The following SPRR2G variants were observed in gnomAD, a reference collection of about 807,000 sequenced individuals.
SPRR2G encodes small proline-rich protein 2G.
A neutral mutation model predicts 0.7 loss-of-function variants in SPRR2G; 1 was observed. That is an observed-to-expected ratio of 1.49 (90% CI 0.53 to 7.06). The LOEUF (loss-of-function observed/expected upper bound fraction) is 7.06. SPRR2G is among the 30% of genes most tolerant of loss of function. The probability of loss-of-function intolerance (pLI) is 0.14; values close to 1 mark genes in which losing one functional copy is unlikely to be tolerated. For missense variants in SPRR2G, 96 were observed against 88.5 expected, an observed-to-expected ratio of 1.09 and a Z score of -0.34; for synonymous variants, 38 against 33.9, an observed-to-expected ratio of 1.12 and a Z score of -0.42.
chr1:153,180,739 G>A, the SPRR2G span, among the ~76,000 whole-genome samples: 22 of 152,236 alleles, frequency 1.4e-4, no homozygotes, highest in Non-Finnish European at 2.4e-4. Flanking sequence ...TCAGCAGTGT[G>A]TGAAAGTTTC....
the SPRR2G span, among the ~76,000 whole-genome samples, chr1:153,172,026 C>T: frequency 6.6e-6 from 1 of 152,106 alleles, no homozygotes; most frequent in African/African-American, 2.4e-5. Flanking sequence ...CTTTTACACT[C>T]AACTTTAATC....
chr1:153,181,108 A>C, the SPRR2G span, among the ~76,000 whole-genome samples: 2 of 151,766 alleles, frequency 1.3e-5, no homozygotes. Flanking sequence ...GTTTTTGATA[A>C]TCAGAAATTT....
the SPRR2G span, among the ~76,000 whole-genome samples, chr1:153,177,950 A>G: frequency 6.6e-6 from 1 of 151,918 alleles, no homozygotes; most frequent in African/African-American, 2.4e-5. Flanking sequence ...CATTCAAAAT[A>G]GTGTGTTATC....
At chr1:153,198,757 G>C in the SPRR2G span, among the ~76,000 whole-genome samples, 1 of 152,208 alleles carries the variant, frequency 6.6e-6, no homozygotes, top group Non-Finnish European at 1.5e-5. Context: ...AGGTACCAAA[G>C]TACATCCAAT....
upstream of SPRR2G, among the ~76,000 whole-genome samples, chr1:153,155,545 T>C (rs986748591): frequency 1.3e-5 from 2 of 152,202 alleles, no homozygotes; most frequent in Non-Finnish European, 2.9e-5. Context: ...CTCTATCTTG[T>C]TTGATTTAAA....
upstream of SPRR2G, among the ~76,000 whole-genome samples, chr1:153,154,362 C>G (rs79087423): frequency 0.031 from 4,695 of 151,950 alleles, 241 homozygotes; most frequent in African/African-American, 0.11. Context: ...GTAATGCCAT[C>G]CTCATACAAT....
chr1:153,183,758 A>G, the SPRR2G span, among the ~76,000 whole-genome samples: 4 of 151,918 alleles, frequency 2.6e-5, no homozygotes, highest in Non-Finnish European at 5.9e-5. Context: ...CTTTTGTTGC[A>G]ATTGCTTTTA....
At chr1:153,159,727 G>T in the SPRR2G span, among the ~76,000 whole-genome samples, 3 of 152,192 alleles carry the variant, frequency 2.0e-5, no homozygotes, top group Admixed American at 2.0e-4. Context: ...CATGGCAGAA[G>T]GCAAAGGGGA....
the SPRR2G span, among the ~76,000 whole-genome samples, chr1:153,183,405 G>A: frequency 1.3e-5 from 2 of 151,770 alleles, no homozygotes; most frequent in Admixed American, 6.6e-5. Context: ...TTTAATCATC[G>A]CCATTCTACC....
At chr1:153,174,402 C>A in the SPRR2G span, 1 of 152,170 alleles carries the variant, frequency 6.6e-6, no homozygotes, top group Non-Finnish European at 1.5e-5. Context: ...GGGGAAATGT[C>A]CAAAAACCAC....
At chr1:153,194,460 G>A in the SPRR2G span, among the ~76,000 whole-genome samples, 1 of 152,194 alleles carries the variant, frequency 6.6e-6, no homozygotes. Context: ...GGCCTGAGAA[G>A]AGGGTGTTAG....
At chr1:153,176,830 G>A in the SPRR2G span, among the ~76,000 whole-genome samples, 1 of 152,206 alleles carries the variant, frequency 6.6e-6, no homozygotes, top group African/African-American at 2.4e-5. Flanking sequence ...GATAATTCAA[G>A]TATGTAGATT....
chr1:153,161,736 C>T, the SPRR2G span, among the ~76,000 whole-genome samples: 1 of 152,070 alleles, frequency 6.6e-6, no homozygotes, highest in Non-Finnish European at 1.5e-5. Context: ...TGAGAATGAC[C>T]ATATATAAAC....
the SPRR2G span, among the ~76,000 whole-genome samples, chr1:153,179,793 A>G: frequency 1.3e-5 from 2 of 152,080 alleles, no homozygotes; most frequent in African/African-American, 2.4e-5. Context: ...GAAGTTTCCT[A>G]TCTTGTGTCC....
the SPRR2G span, among the ~76,000 whole-genome samples, chr1:153,183,480 C>CT: frequency 6.6e-6 from 1 of 152,010 alleles, no homozygotes; most frequent in East Asian, 1.9e-4. Flanking sequence ...TGATGATGAG[C>CT]TTTTTTTCAT....
chr1:153,168,899 A>AGTGTGTGTGTGTGT, the SPRR2G span, among the ~76,000 whole-genome samples: 4 of 91,038 alleles, frequency 4.4e-5, no homozygotes, highest in East Asian at 9.8e-4. Flanking sequence ...TGTACTCATG[A>AGTGTGTGTGTGTGT]GTGTATGTGT....
At chr1:153,195,213 G>T in the SPRR2G span, among the ~76,000 whole-genome samples, 2 of 152,090 alleles carry the variant, frequency 1.3e-5, no homozygotes, top group Non-Finnish European at 2.9e-5. Flanking sequence ...TAGGCAGTAC[G>T]TTGCTCCCTG....
chr1:153,151,837 C>A (rs1249831370), upstream of SPRR2G, among the ~76,000 whole-genome samples: 1 of 152,118 alleles, frequency 6.6e-6, no homozygotes, highest in Non-Finnish European at 1.5e-5. Context: ...GATGTTTTTA[C>A]CTAAATAAGT....
chr1:153,202,679 CTT>C, the SPRR2G span, among the ~76,000 whole-genome samples: 2 of 152,166 alleles, frequency 1.3e-5, no homozygotes, highest in Non-Finnish European at 1.5e-5. Flanking sequence ...TCGACTTTTA[CTT>C]CACCACCCCA....
Sources: allele counts gnomAD v4.1 joint callset (sites outside exome capture counted in the v4.1 genomes callset), GRCh38; gene constraint gnomAD v4.1.1; transcripts MANE v1.5; gene names NCBI Gene and HGNC (gene_info 2026-07-23, HGNC 2026-07-21).